Variants in NCAM2 observed in about 807,000 individuals in gnomAD.
NCAM2 encodes the protein neural cell adhesion molecule 2, also known as N-CAM-2.
Under a neutral mutation model 98.1 loss-of-function variants are expected in NCAM2, and 30 were observed. That is an observed-to-expected ratio of 0.31 (90% confidence interval 0.23 to 0.41). The LOEUF is 0.41. Among genes scored for constraint, NCAM2 ranks in the 10% least tolerant of loss-of-function variants. The pLI is 1.00. For synonymous variants in NCAM2, 368 were observed against 342.4 expected (o/e 1.07, Z -0.83); for missense variants, 867 against 1,005.8 (o/e 0.86, Z 1.87).
chr21:21,047,953 T>C (rs965423757), intron 1 of NCAM2, among the ~76,000 whole-genome samples: 1 of 152,184 alleles, frequency 6.6e-6, no homozygotes, highest in East Asian at 1.9e-4. Context: ...CAGGAAGAAA[T>C]CAAAATGTTT....
At chr21:21,309,789 A>G (rs1157147244) in intron 5 of NCAM2, among the ~76,000 whole-genome samples, 1 of 152,148 alleles carries the variant, frequency 6.6e-6, no homozygotes, top group East Asian at 1.9e-4. Flanking sequence ...CTGTGCTGCA[A>G]TCTAGAAACT....
At chr21:21,245,849 T>G (rs969958070) in intron 1 of NCAM2, among the ~76,000 whole-genome samples, 4 of 3,326 alleles carry the variant, frequency 1.2e-3, no homozygotes, top group Non-Finnish European at 4.5e-3. Flanking sequence ...GTGAGAGAGA[T>G]AAGGAAGATG....
chr21:21,320,532 G>C (rs1433003103), intron 5 of NCAM2, among the ~76,000 whole-genome samples: 1 of 74,502 alleles, frequency 1.3e-5, no homozygotes, highest in Admixed American at 1.6e-4. Flanking sequence ...ATTGAGAGCT[G>C]TTAGATCATA....
At chr21:21,362,805 A>C (rs569695449) in intron 8 of NCAM2, among the ~76,000 whole-genome samples, 14 of 152,290 alleles carry the variant, frequency 9.2e-5, no homozygotes, top group African/African-American at 3.4e-4. Flanking sequence ...ATTGATTTTT[A>C]ACAGGTAATA....
rs565890323 is a variant in NCAM2, at chr21:21,416,730, C to T, written c.1384-1743C>T. On this transcript the variant is annotated intron_variant, in intron 10 of 17. Coordinates refer to ENST00000400546, the MANE Select transcript of NCAM2 (RefSeq NM_004540.5). Reference sequence around the variant, plus strand: ...TACTTAATGGTCTATAATATACCCTCGTTATATTATCTTATATTTTCATAA... The same window carrying T: ...TACTTAATGGTCTATAATATACCCTTGTTATATTATCTTATATTTTCATAA... Among the ~76,000 whole-genome samples the T allele has an allele frequency of 6.6e-5, 10 of 152,156 alleles. 1 individual carries two copies. In the South Asian group the frequency reaches 2.1e-3, roughly 32 times the overall value.
At chr21:21,323,523 T>A (rs1301866522) in intron 5 of NCAM2, among the ~76,000 whole-genome samples, 1 of 152,164 alleles carries the variant, frequency 6.6e-6, no homozygotes, top group Non-Finnish European at 1.5e-5. Context: ...TTAGGAATAT[T>A]ACTTTATGAT....
chr21:21,338,033 G>T (rs1170011336), intron 7 of NCAM2, among the ~76,000 whole-genome samples: 1 of 152,044 alleles, frequency 6.6e-6, no homozygotes, highest in Non-Finnish European at 1.5e-5. Context: ...GCACCCATAT[G>T]CATGTGCCTT....
chr21:21,542,523 T>A lies in NCAM2; in HGVS notation c.*4566T>A, dbSNP rs892136895. 1 of 151,728 alleles carries A rather than the reference T, an allele frequency of 6.6e-6. No individual in the cohort carries two copies. Among genetic ancestry groups the A allele is most frequent in the Non-Finnish European group, 1.5e-5 (1 of 67,810 alleles). 9.4% of individuals were successfully genotyped at this position (151,728 alleles called of 1,614,324 possible). A position where few individuals can be genotyped will look rare whatever the true frequency, so the allele number is the denominator to read the frequency against. On this transcript the variant is annotated 3_prime_UTR_variant, in exon 18 of 18. Coordinates refer to ENST00000400546, the MANE Select transcript of NCAM2 (RefSeq NM_004540.5). ...ATGTAAATTTAAATATTGCTACTTATTTTTTTTCTTTTCTGAAATGAAAAC... is the reference window on the plus strand; with the variant it reads ...ATGTAAATTTAAATATTGCTACTTAATTTTTTTCTTTTCTGAAATGAAAAC...
rs1569128329 is a variant in NCAM2 at position 21,508,913 on chromosome 21, C to T, written c.2140C>T (p.Leu714=). 6.5e-7 allele frequency: 1 copy of T among 1,532,048 alleles called. No homozygotes were observed. The highest frequency in any genetic ancestry group is 1.1e-5 in the South Asian group (1 of 89,934). 94.9% of individuals were successfully genotyped at this position (1,532,048 alleles called of 1,614,324 possible). A position where few individuals can be genotyped will look rare whatever the true frequency, so the allele number is the denominator to read the frequency against. Reference sequence around the variant, plus strand: ...TGGCCTGGGAGTTGCTGCACTGCTGCTAATTCTTGTGGTAACAGACGTCAG... The same window carrying T: ...TGGCCTGGGAGTTGCTGCACTGCTGTTAATTCTTGTGGTAACAGACGTCAG... ...VIGLGVAALL[L]ILVVTDVSCF... Residue 714 remains leucine, a synonymous_variant, in exon 16 of 18, where the codon CTA becomes TTA. Transcript: ENST00000400546.
At chr21:21,476,287 C>T (rs1985158098) in intron 14 of NCAM2, among the ~76,000 whole-genome samples, 1 of 152,056 alleles carries the variant, frequency 6.6e-6, no homozygotes, top group Non-Finnish European at 1.5e-5. Context: ...GAAAATGTTT[C>T]ATTTCCATAC....
intron 1 of NCAM2, among the ~76,000 whole-genome samples, chr21:21,224,782 T>C (rs1429592105): frequency 6.6e-6 from 1 of 152,158 alleles, no homozygotes; most frequent in African/African-American, 2.4e-5. Flanking sequence ...CCATTGTCCA[T>C]AGCATTCCTC....
At chr21:21,405,955 C>T (rs2076730269) in intron 9 of NCAM2, among the ~76,000 whole-genome samples, 1 of 152,038 alleles carries the variant, frequency 6.6e-6, no homozygotes, top group Non-Finnish European at 1.5e-5. Flanking sequence ...TTCAAATATA[C>T]AAATTTTACC....
At position 21,402,176 on chromosome 21, in the gene NCAM2, G is replaced by A. The variant is rs184420303; in HGVS notation, c.1196-8098G>A. ...GTAAGGTCTGACTGCCTGCAGGGTT[G>A]GGCAAAAACAGCCATATTTTTCTTC... On this transcript the variant is annotated intron_variant, in intron 9 of 17. Transcript: ENST00000400546. Among the ~76,000 whole-genome samples, 882 of 152,254 alleles carry A rather than the reference G, an allele frequency of 5.8e-3. 9 individuals carry two copies. The highest frequency in any genetic ancestry group is 0.02 in the African/African-American group (844 of 41,548).
chr21:21,351,139 A>G (rs939050420), intron 8 of NCAM2, among the ~76,000 whole-genome samples: 19 of 147,306 alleles, frequency 1.3e-4, no homozygotes, highest in African/African-American at 2.2e-4. Flanking sequence ...AAAAAAAAAA[A>G]AAAGAAACTT....
At position 21,170,232 on chromosome 21, in the gene NCAM2, A is replaced by G. The variant is rs151139801; in HGVS notation, c.56-110346A>G. ...AAACTAAGCATATTCTTAATATATG[A>G]TCCAGCAGTTTTACTCCTTGGTATT... On this transcript the variant is annotated intron_variant, in intron 1 of 17. Coordinates refer to ENST00000400546, the MANE Select transcript of NCAM2 (RefSeq NM_004540.5). Among the ~76,000 whole-genome samples the G allele has an allele frequency of 3.3e-5, 5 of 152,314 alleles. No individual in the cohort carries two copies. In the East Asian group the frequency reaches 9.6e-4, roughly 29 times the overall value.
chr21:21,214,746 T>TATACATAC (rs11268201), intron 1 of NCAM2, among the ~76,000 whole-genome samples: 13 of 100,608 alleles, frequency 1.3e-4, no homozygotes, highest in Non-Finnish European at 2.5e-4. Context: ...TATATATATA[T>TATACATAC]ACACTATATA....
chr21:21,392,032 A>G (rs912978946), intron 9 of NCAM2, among the ~76,000 whole-genome samples: 1 of 152,188 alleles, frequency 6.6e-6, no homozygotes, highest in Admixed American at 6.5e-5. Context: ...GTGTGTGTAC[A>G]GATTATTTCA....
intron 15 of NCAM2, among the ~76,000 whole-genome samples, chr21:21,479,878 A>G (rs1459445693): frequency 1.3e-5 from 2 of 152,026 alleles, no homozygotes; most frequent in African/African-American, 2.4e-5. Context: ...CCTCATCTCT[A>G]AAGTGAGTTC....
intron 14 of NCAM2, among the ~76,000 whole-genome samples, chr21:21,472,013 G>GA (rs1054689348): frequency 5.9e-5 from 9 of 152,004 alleles, no homozygotes; most frequent in African/African-American, 2.2e-4. Context: ...GAAATGTTTG[G>GA]AAAAAATCAT....
Sources: allele counts gnomAD v4.1 joint callset (sites outside exome capture counted in the v4.1 genomes callset), GRCh38; gene constraint gnomAD v4.1.1; transcripts MANE v1.5; gene names NCBI Gene and HGNC (gene_info 2026-07-23, HGNC 2026-07-21).